DCAF5: variants seen among roughly 807,000 people sequenced by gnomAD.
DCAF5 encodes DDB1 and CUL4 associated factor 5.
In DCAF5, 9 loss-of-function variants were observed where a neutral mutation model predicts 80.7. That is an observed-to-expected ratio of 0.11 (90% CI 0.07 to 0.19). The LOEUF is 0.19. Among genes scored for constraint, DCAF5 ranks in the 10% least tolerant of loss-of-function variants. DCAF5 has a pLI of 1.00. For missense variants in DCAF5, 842 were observed against 1,205.7 expected, an observed-to-expected ratio of 0.70 and a Z score of 4.47; for synonymous variants, 433 against 461.9, an observed-to-expected ratio of 0.94 and a Z score of 0.80.
chr14:69,092,196 A>G (rs574569322), intron 5 of DCAF5, among the ~76,000 whole-genome samples: 1 of 152,338 alleles, frequency 6.6e-6, no homozygotes, highest in South Asian at 2.1e-4. Context: ...TACCCAAGCT[A>G]ACTGCACAAC....
At chr14:69,134,062 G>GAGAT (rs2140098809) in intron 1 of DCAF5, among the ~76,000 whole-genome samples, 1 of 152,290 alleles carries the variant, frequency 6.6e-6, no homozygotes, top group Admixed American at 6.5e-5. Context: ...TCACAGAGTA[G>GAGAT]AGATGTAAGG....
chr14:69,101,600 G>A (rs1239865824), intron 5 of DCAF5, among the ~76,000 whole-genome samples: 3 of 152,214 alleles, frequency 2.0e-5, no homozygotes, highest in Non-Finnish European at 2.9e-5. Context: ...ATCTGGATAT[G>A]TTAATACAGT....
intron 1 of DCAF5, among the ~76,000 whole-genome samples, chr14:69,136,079 T>C (rs749325911): frequency 6.6e-6 from 1 of 151,848 alleles, no homozygotes; most frequent in Admixed American, 6.6e-5. Context: ...GACATTAACA[T>C]GCTCTTCCCT....
chr14:69,136,041 T>G (rs1470588812), intron 1 of DCAF5, among the ~76,000 whole-genome samples: 1 of 152,012 alleles, frequency 6.6e-6, no homozygotes, highest in Non-Finnish European at 1.5e-5. Context: ...TTTGGTACAG[T>G]ATTAAGGAAG....
At chr14:69,140,421 AT>A (rs2041330553) in intron 1 of DCAF5, among the ~76,000 whole-genome samples, 1 of 152,212 alleles carries the variant, frequency 6.6e-6, no homozygotes, top group Admixed American at 6.5e-5. Context: ...ATCCCAAAAA[AT>A]TAAGCCTATA....
intron 5 of DCAF5, among the ~76,000 whole-genome samples, chr14:69,108,429 G>C (rs2040241140): frequency 6.6e-6 from 1 of 152,166 alleles, no homozygotes; most frequent in Non-Finnish European, 1.5e-5. Context: ...AGAGACGCAA[G>C]CTAAGGAGCC....
At chr14:69,151,792 A>C (rs569941839) in intron 1 of DCAF5, among the ~76,000 whole-genome samples, 1 of 152,168 alleles carries the variant, frequency 6.6e-6, no homozygotes, top group South Asian at 2.1e-4. Flanking sequence ...CCCCGGGAGC[A>C]ATAGGCTATC....
At chr14:69,084,304 A>C in intron 6 of DCAF5, 2 of 952,274 alleles carry the variant, frequency 2.1e-6, no homozygotes, top group Non-Finnish European at 1.7e-6. Context: ...TGGTCACACC[A>C]GGCTGTCTGC....
At position 69,118,106 on chromosome 14, in the gene DCAF5, A is replaced by G. The variant is rs1232624912; in HGVS notation, c.535+33T>C. 6.2e-7 allele frequency: 1 copy of G among 1,612,596 alleles called. No homozygotes were observed. Among genetic ancestry groups the G allele is most frequent in the Admixed American group, 1.7e-5 (1 of 59,972 alleles). ...TGAATCTGACATCAAACTGTTCAAC[A>G]CAGTCCAACAGTCATTTGCACAGTG... is the stretch of plus-strand genomic sequence containing the variant. On this transcript the variant is annotated intron_variant, in intron 4 of 8. Coordinates refer to ENST00000341516, the MANE Select transcript of DCAF5 (RefSeq NM_003861.3). The surrounding 1 kb of genome is among the most constrained non-coding windows in gnomAD (Gnocchi z 4.0).
At chr14:69,107,939 A>T (rs962722619) in intron 5 of DCAF5, among the ~76,000 whole-genome samples, 17 of 152,250 alleles carry the variant, frequency 1.1e-4, no homozygotes, top group African/African-American at 4.1e-4. Context: ...ACCTGCCCTT[A>T]AAAATTCATA....
At chr14:69,151,535 T>C (rs879796419) in intron 1 of DCAF5, among the ~76,000 whole-genome samples, 19 of 151,844 alleles carry the variant, frequency 1.3e-4, no homozygotes, top group Admixed American at 7.9e-4. Flanking sequence ...TCCCTCCCAA[T>C]ATAGGAAAAG....
chr14:69,105,943 A>ATATCTATCTATCTATCTATCTATC (rs1186456968), intron 5 of DCAF5, among the ~76,000 whole-genome samples: 1 of 74,172 alleles, frequency 1.3e-5, no homozygotes, highest in African/African-American at 3.8e-5. Context: ...ATATATATAT[A>ATATCTATCTATCTATCTATCTATC]TATCTCCTAT....
At chr14:69,137,819 A>G (rs2041241171) in intron 1 of DCAF5, among the ~76,000 whole-genome samples, 2 of 152,226 alleles carry the variant, frequency 1.3e-5, no homozygotes, top group South Asian at 2.1e-4. Context: ...CCACATTCAC[A>G]TAACTTTTAT....
intron 6 of DCAF5, among the ~76,000 whole-genome samples, chr14:69,080,221 C>T (rs1278288658): frequency 6.6e-6 from 1 of 151,982 alleles, no homozygotes; most frequent in Non-Finnish European, 1.5e-5. Context: ...TCTTCTAAAG[C>T]TATGCTGAAA....
At position 69,152,967 on chromosome 14, in the gene DCAF5, TCTC is replaced by T. The variant is rs1351933637; in HGVS notation, c.9_11del (p.Arg4del). On this transcript the variant is annotated inframe_deletion, in exon 1 of 9. Transcript: ENST00000341516. The surrounding 1 kb of genome is among the most constrained non-coding windows in gnomAD (Gnocchi z 4.1). ...ACCTCATGCTGCCCCCCAGGCCAGC[TCTC>T]CTCTTCATGCTGGAACCGCCGCCGC... 21 of 1,600,176 alleles carry T rather than the reference TCTC, an allele frequency of 1.3e-5. No homozygotes were observed. The highest frequency in any genetic ancestry group is 1.7e-5 in the Non-Finnish European group (20 of 1,174,876).
chr14:69,127,181 A>G (rs910799439), intron 1 of DCAF5, among the ~76,000 whole-genome samples: 2 of 152,246 alleles, frequency 1.3e-5, no homozygotes, highest in South Asian at 2.1e-4. Flanking sequence ...AAAGACCTGT[A>G]CATGGATTTA....
chr14:69,066,490 T>G (rs2038448368), intron 7 of DCAF5, among the ~76,000 whole-genome samples: 1 of 152,152 alleles, frequency 6.6e-6, no homozygotes, highest in African/African-American at 2.4e-5. Context: ...TCCCCATATA[T>G]TAATCTTTCT....
chr14:69,095,736 T>C (rs1401911239), intron 5 of DCAF5, among the ~76,000 whole-genome samples: 2 of 152,308 alleles, frequency 1.3e-5, no homozygotes, highest in Admixed American at 6.5e-5. Flanking sequence ...TTGAAAAAGC[T>C]TCCAAGATCA....
rs1015205915 is a variant in DCAF5 at position 69,062,302 on chromosome 14, G to T, written c.1074+82C>A. On this transcript the variant is annotated intron_variant, in intron 8 of 8. Transcript: ENST00000341516. ...GACCTTTAGTATGTTTAAATATGAG[G>T]TCCTACATAAATTGTTCTAGTTTCT... 9 of 1,426,710 alleles carry T rather than the reference G, an allele frequency of 6.3e-6. No individual in the cohort carries two copies. In the African/African-American group the frequency reaches 1.1e-4, roughly 18 times the overall value. The allele number at this position is 1,426,710 out of a possible 1,614,324, so 88.4% of individuals were successfully genotyped here. A position where few individuals can be genotyped will look rare whatever the true frequency, so the allele number is the denominator to read the frequency against.
Sources: gnomAD v4.1 joint callset for allele counts (sites outside exome capture counted in the v4.1 genomes callset) on GRCh38, gnomAD v4.1.1 for gene constraint, Gnocchi (gnomAD v3.1) non-coding constraint, MANE v1.5 for transcripts, NCBI Gene and HGNC (gene_info 2026-07-23, HGNC 2026-07-21) for gene names.